The following FHIT variants were observed in gnomAD, a reference collection of about 807,000 sequenced individuals.
The protein encoded by FHIT is bis(5'-adenosyl)-triphosphatase.
FHIT carries 19 observed loss-of-function variants against 17.9 expected under a neutral mutation model. That is an observed-to-expected ratio of 1.06 (90% CI 0.74 to 1.56). The LOEUF (loss-of-function observed/expected upper bound fraction) is 1.56. Ranked by LOEUF, FHIT falls within the 40% of genes most tolerant of loss-of-function variation. The pLI, the probability that FHIT is intolerant of heterozygous loss-of-function variation, is 0.00. For missense variants in FHIT, 248 were observed against 189.2 expected (o/e 1.31, Z -1.82); for synonymous variants, 81 against 69.7 (o/e 1.16, Z -0.81).
At chr3:61,033,397 G>T (rs951287052) in intron 3 of FHIT, among the ~76,000 whole-genome samples, 1 of 152,040 alleles carries the variant, frequency 6.6e-6, no homozygotes, top group African/African-American at 2.4e-5. Context: ...ATACACACCA[G>T]ACCTCAAAGA....
intron 4 of FHIT, among the ~76,000 whole-genome samples, chr3:60,652,492 G>C (rs2040014192): frequency 6.6e-6 from 1 of 152,044 alleles, no homozygotes. Context: ...CCAGCACTTT[G>C]GGAGGCCCAG....
At chr3:60,772,145 T>A (rs537849811) in intron 4 of FHIT, among the ~76,000 whole-genome samples, 2 of 116,410 alleles carry the variant, frequency 1.7e-5, no homozygotes. Context: ...GAAGCTGCAT[T>A]CTTCAGAAGA....
rs1213202614 is a variant in FHIT at position 60,301,200 on chromosome 3, A to G, written c.103+235660T>C. Among the ~76,000 whole-genome samples, 4 of 152,276 alleles carry G rather than the reference A, an allele frequency of 2.6e-5. No individual in the cohort carries two copies. The East Asian group carries it at 7.7e-4, about 29-fold the overall frequency. On this transcript the variant is annotated intron_variant, in intron 5 of 9. Coordinates refer to ENST00000492590, the MANE Select transcript of FHIT (RefSeq NM_002012.4). ...TTTAATACCTTTATAGTCAACAAGT[A>G]AATAATATTTCATAATAGGAAAATA...
At chr3:60,900,105 T>C (rs113862468) in intron 3 of FHIT, among the ~76,000 whole-genome samples, 2 of 152,154 alleles carry the variant, frequency 1.3e-5, no homozygotes, top group African/African-American at 4.8e-5. Context: ...CTGGTACAAA[T>C]ACTTTGTGAG....
rs1255759021 is a variant in FHIT, at chr3:60,553,520, T to TAGAG, written c.-17-16545_-17-16542dup. 241 of 146,840 alleles carry TAGAG rather than the reference T, an allele frequency of 1.6e-3. 1 individual carries two copies. The highest frequency in any genetic ancestry group is 6.0e-3 in the African/African-American group (218 of 36,312). The allele number at this position is 146,840 out of a possible 1,614,324, so 9.1% of individuals were successfully genotyped here. On this transcript the variant is annotated intron_variant, in intron 4 of 9. Transcript: ENST00000492590. ...TTAAAAAAATATATATATATATATA[T>TAGAG]AGAGAGAGAGAGAGGGAGAGAGAGA...
intron 4 of FHIT, among the ~76,000 whole-genome samples, chr3:60,758,848 T>C (rs1479256864): frequency 2.0e-5 from 3 of 152,124 alleles, no homozygotes; most frequent in South Asian, 2.1e-4. Context: ...TATGTGCTTA[T>C]AAGAAATGGT....
intron 4 of FHIT, among the ~76,000 whole-genome samples, chr3:60,602,604 T>C (rs1353818891): frequency 1.3e-5 from 2 of 152,036 alleles, no homozygotes; most frequent in Non-Finnish European, 2.9e-5. Flanking sequence ...GTAAAAAGAC[T>C]ACCAGAGCTG....
chr3:60,516,759 G>T (rs1437475446), intron 5 of FHIT, among the ~76,000 whole-genome samples: 1 of 152,202 alleles, frequency 6.6e-6, no homozygotes, highest in Non-Finnish European at 1.5e-5. Flanking sequence ...TTTGCAAGAA[G>T]CATCTCCGCC....
intron 5 of FHIT, among the ~76,000 whole-genome samples, chr3:60,088,479 C>G (rs1297154214): frequency 1.3e-5 from 2 of 152,148 alleles, no homozygotes; most frequent in African/African-American, 4.8e-5. Context: ...AGTGCTATTC[C>G]CTATGCCCGA....
chr3:60,566,274 T>A (rs971973818), intron 4 of FHIT, among the ~76,000 whole-genome samples: 5 of 152,100 alleles, frequency 3.3e-5, no homozygotes, highest in African/African-American at 7.2e-5. Flanking sequence ...TCAAGTGGGT[T>A]TCATCCCTGG....
chr3:60,217,872 T>C (rs6792176), intron 5 of FHIT, among the ~76,000 whole-genome samples: 5,587 of 152,278 alleles, frequency 0.037, 318 homozygotes, highest in African/African-American at 0.12. Context: ...TTATGTATCC[T>C]TTTATATCTC....
intron 7 of FHIT, among the ~76,000 whole-genome samples, chr3:59,927,181 G>C (rs1333117995): frequency 6.6e-6 from 1 of 152,166 alleles, no homozygotes; most frequent in African/African-American, 2.4e-5. Flanking sequence ...ATCATGCTCA[G>C]GGAAATAAGC....
At chr3:60,082,784 G>C (rs1259413126) in intron 5 of FHIT, among the ~76,000 whole-genome samples, 1 of 152,086 alleles carries the variant, frequency 6.6e-6, no homozygotes, top group Non-Finnish European at 1.5e-5. Context: ...TTTGAGAAGT[G>C]TCTGTTCATG....
At chr3:60,413,441 C>CTTGG (rs571269214) in intron 5 of FHIT, among the ~76,000 whole-genome samples, 1 of 152,134 alleles carries the variant, frequency 6.6e-6, no homozygotes, top group Non-Finnish European at 1.5e-5. Flanking sequence ...ATAGGAGTTA[C>CTTGG]TTGGCCAATA....
chr3:61,055,734 G>C lies in FHIT; in HGVS notation c.-163-13635C>G, dbSNP rs764910736. Among the ~76,000 whole-genome samples, 9 of 152,300 alleles carry C rather than the reference G, an allele frequency of 5.9e-5. No individual in the cohort carries two copies. In the East Asian group the frequency reaches 1.7e-3, roughly 29 times the overall value. On this transcript the variant is annotated intron_variant, in intron 2 of 9. Transcript: ENST00000492590. ...AAAAGTGAAGAAAAAATATCATGAG[G>C]TGGAATCCATGAGTGACATAAAAGG...
At chr3:59,877,979 AACT>A (rs1481936206) in intron 8 of FHIT, among the ~76,000 whole-genome samples, 1 of 152,218 alleles carries the variant, frequency 6.6e-6, no homozygotes, top group African/African-American at 2.4e-5. Flanking sequence ...TTTTCACCTT[AACT>A]GCTTACTTTC....
At chr3:60,939,572 AT>A (rs1213389023) in intron 3 of FHIT, among the ~76,000 whole-genome samples, 1 of 152,142 alleles carries the variant, frequency 6.6e-6, no homozygotes, top group Non-Finnish European at 1.5e-5. Flanking sequence ...TTTTATTCCC[AT>A]TAGTATTTTT....
At chr3:60,964,717 T>C (rs1474603180) in intron 3 of FHIT, among the ~76,000 whole-genome samples, 6 of 152,238 alleles carry the variant, frequency 3.9e-5, no homozygotes, top group Non-Finnish European at 8.8e-5. Flanking sequence ...GATATGAAAT[T>C]CTGGGTTGAA....
At chr3:60,491,215 C>T (rs1002875246) in intron 5 of FHIT, among the ~76,000 whole-genome samples, 3 of 152,068 alleles carry the variant, frequency 2.0e-5, no homozygotes, top group Admixed American at 2.0e-4. Context: ...ATTTACATTT[C>T]AAGAAAGAAA....
Sources: gnomAD v4.1 joint callset for allele counts (sites outside exome capture counted in the v4.1 genomes callset) on GRCh38, gnomAD v4.1.1 for gene constraint, MANE v1.5 for transcripts, NCBI Gene and HGNC (gene_info 2026-07-23, HGNC 2026-07-21) for gene names.